SHISA9: variants seen among roughly 807,000 people sequenced by gnomAD.
SHISA9 encodes protein shisa-9.
In SHISA9, 13 loss-of-function variants were observed where a neutral mutation model predicts 38.0. That is an observed-to-expected ratio of 0.34 (90% CI 0.22 to 0.54). SHISA9 has a LOEUF of 0.54. Among genes scored for constraint, SHISA9 ranks in the 20% least tolerant of loss-of-function variants. The pLI is 0.91. For missense variants in SHISA9, 538 were observed against 575.8 expected (o/e 0.93, Z 0.67); for synonymous variants, 275 against 242.0 (o/e 1.14, Z -1.27).
chr16:13,499,328 CATT>C, the SHISA9 span, among the ~76,000 whole-genome samples: 1 of 152,138 alleles, frequency 6.6e-6, no homozygotes, highest in East Asian at 1.9e-4. Flanking sequence ...ATTAAATCAA[CATT>C]ATCTTACCTA....
intron 3 of SHISA9, among the ~76,000 whole-genome samples, chr16:13,209,698 T>C (rs2051099617): frequency 6.6e-6 from 1 of 152,100 alleles, no homozygotes. Flanking sequence ...AACCTGAAAA[T>C]CCAGTTAAGC....
At chr16:13,252,237 A>C in the SHISA9 span, among the ~76,000 whole-genome samples, 1 of 152,300 alleles carries the variant, frequency 6.6e-6, no homozygotes, top group African/African-American at 2.4e-5. Flanking sequence ...GCTGTTCCTC[A>C]AATGCCCCAA....
chr16:12,947,467 C>T (rs2071702818), intron 2 of SHISA9, among the ~76,000 whole-genome samples: 1 of 152,124 alleles, frequency 6.6e-6, no homozygotes, highest in South Asian at 2.1e-4. Context: ...AGTCTGGTCA[C>T]TTAAGATAAA....
the SHISA9 span, among the ~76,000 whole-genome samples, chr16:13,551,260 T>C: frequency 6.6e-6 from 1 of 152,136 alleles, no homozygotes; most frequent in African/African-American, 2.4e-5. Context: ...TGCACAGCCA[T>C]TGATGCTATT....
At chr16:12,932,201 C>T (rs554176986) in intron 2 of SHISA9, among the ~76,000 whole-genome samples, 14 of 152,244 alleles carry the variant, frequency 9.2e-5, no homozygotes, top group Admixed American at 8.5e-4. Flanking sequence ...TCAGGTATGT[C>T]TTTATTAGCA....
chr16:13,161,819 C>T (rs925978944), intron 2 of SHISA9, among the ~76,000 whole-genome samples: 24 of 152,066 alleles, frequency 1.6e-4, no homozygotes, highest in South Asian at 4.1e-4. Flanking sequence ...TTTCCTCTAT[C>T]GGTGCTAGAA....
the SHISA9 span, among the ~76,000 whole-genome samples, chr16:13,323,907 T>C: frequency 1.3e-5 from 2 of 152,104 alleles, no homozygotes; most frequent in Non-Finnish European, 2.9e-5. Flanking sequence ...ATCCCCAGTG[T>C]TGGAGGTGGG....
chr16:13,552,717 T>A, the SHISA9 span, among the ~76,000 whole-genome samples: 1 of 151,878 alleles, frequency 6.6e-6, no homozygotes, highest in South Asian at 2.1e-4. Flanking sequence ...ATAATGAGAT[T>A]TTTTTTAAAG....
the SHISA9 span, among the ~76,000 whole-genome samples, chr16:13,391,344 G>C: frequency 6.6e-6 from 1 of 152,160 alleles, no homozygotes; most frequent in Non-Finnish European, 1.5e-5. Context: ...GCCTTTGTAA[G>C]CAAAACTGTA....
chr16:13,298,164 A>G, the SHISA9 span, among the ~76,000 whole-genome samples: 10 of 152,240 alleles, frequency 6.6e-5, 1 homozygote, highest in Admixed American at 6.5e-4. Context: ...CTTCGTTCAA[A>G]TACAGAGATG....
chr16:13,335,487 G>T, the SHISA9 span, among the ~76,000 whole-genome samples: 1 of 152,080 alleles, frequency 6.6e-6, no homozygotes, highest in African/African-American at 2.4e-5. Context: ...ACTTTTCATC[G>T]GTTGAGAATG....
chr16:13,203,869 A>G (rs576712158), intron 3 of SHISA9, among the ~76,000 whole-genome samples: 1 of 151,504 alleles, frequency 6.6e-6, no homozygotes, highest in African/African-American at 2.4e-5. Flanking sequence ...CTGTCCATCC[A>G]TCCATCCATC....
At chr16:13,284,501 A>G in the SHISA9 span, among the ~76,000 whole-genome samples, 34 of 152,328 alleles carry the variant, frequency 2.2e-4, no homozygotes, top group African/African-American at 7.9e-4. Flanking sequence ...ACAGGTGATC[A>G]ATAAAAATGT....
chr16:13,312,976 C>A, the SHISA9 span, among the ~76,000 whole-genome samples: 1 of 152,042 alleles, frequency 6.6e-6, no homozygotes, highest in Non-Finnish European at 1.5e-5. Context: ...AAAACCCAGG[C>A]CGGGCGCGGT....
chr16:13,456,750 T>G, the SHISA9 span, among the ~76,000 whole-genome samples: 4 of 152,202 alleles, frequency 2.6e-5, no homozygotes, highest in Non-Finnish European at 1.5e-5. Context: ...ACTCTAACTC[T>G]GAAGAAGCTG....
chr16:13,304,015 T>TA, the SHISA9 span, among the ~76,000 whole-genome samples: 58 of 150,782 alleles, frequency 3.8e-4, no homozygotes, highest in East Asian at 1.6e-3. Context: ...CATTGGAAAT[T>TA]AAAAAAAAAA....
chr16:13,271,178 A>G, the SHISA9 span, among the ~76,000 whole-genome samples: 1 of 152,222 alleles, frequency 6.6e-6, no homozygotes, highest in African/African-American at 2.4e-5. Context: ...ACCAAGCTCA[A>G]TGCAGAAGCA....
the SHISA9 span, among the ~76,000 whole-genome samples, chr16:13,257,670 G>T: frequency 6.6e-6 from 1 of 152,268 alleles, no homozygotes; most frequent in Non-Finnish European, 1.5e-5. Flanking sequence ...ACATGTCTTT[G>T]CAGGTGTTGC....
At position 13,034,501 on chromosome 16, in the gene SHISA9, C is replaced by A. The variant is rs151052763; in HGVS notation, c.691+117686C>A. Among the ~76,000 whole-genome samples the A allele has an allele frequency of 2.9e-3, 437 of 152,254 alleles. 1 individual carries two copies. Among genetic ancestry groups the A allele is most frequent in the African/African-American group, 0.01 (417 of 41,530 alleles). On this transcript the variant is annotated intron_variant, in intron 2 of 4. Transcript: ENST00000558583. ...AGAAGAAGCAACATCTTATTGAGGG[C>A]AGGAAGAAAGTTAAGTTTATTTTTG... is the stretch of plus-strand genomic sequence containing the variant.
Sources: allele counts gnomAD v4.1 joint callset (sites outside exome capture counted in the v4.1 genomes callset), GRCh38; gene constraint gnomAD v4.1.1; transcripts MANE v1.5; gene names NCBI Gene and HGNC (gene_info 2026-07-23, HGNC 2026-07-21).